The following ZNF483 variants were observed in gnomAD, a reference collection of about 807,000 sequenced individuals.
ZNF483 encodes the protein zinc finger protein 483.
Under a neutral mutation model 28.6 loss-of-function variants are expected in ZNF483, and 9 were observed. The ratio of observed to expected loss-of-function variants is 0.32; its 90% CI spans 0.19 to 0.55. ZNF483 has a LOEUF of 0.55. ZNF483 is among the 20% of genes least tolerant of loss of function. The probability of loss-of-function intolerance (pLI) is 0.93; values close to 1 mark genes in which losing one functional copy is unlikely to be tolerated. For missense variants in ZNF483, 675 were observed against 871.7 expected (o/e 0.77, Z 2.84); for synonymous variants, 322 against 306.2 (o/e 1.05, Z -0.54).
At position 111,530,960 on chromosome 9, in the gene ZNF483, C is replaced by A; in HGVS notation, c.498C>A (p.Ser166=). 1 of 1,488,948 alleles carries A rather than the reference C, an allele frequency of 6.7e-7. No individual in the cohort carries two copies. The allele number at this position is 1,488,948 out of a possible 1,614,324, so 92.2% of individuals were successfully genotyped here. A position where few individuals can be genotyped will look rare whatever the true frequency, so the allele number is the denominator to read the frequency against. The stretch of plus-strand genomic sequence containing the variant: ...TCACTGTTTGTCCCAATACTGAGTC[C>A]TGTGTAAGTTTCCTTTGATGGTTTT... The part of the protein sequence containing the change: ...KMVTVCPNTE[S]CESITLKDVA... The change falls in exon 3 of 6, where the codon TCC becomes TCA. Residue 166 remains serine (S), a synonymous_variant. Coordinates refer to ENST00000309235, the MANE Select transcript of ZNF483 (RefSeq NM_133464.5).
Position 111,552,943 on chromosome 9 carries a change from A to G in ZNF483, c.*9773A>G, listed in dbSNP as rs1828012453. Among the ~76,000 whole-genome samples, 1 of 152,150 alleles carries G rather than the reference A, an allele frequency of 6.6e-6. No homozygotes were observed. Among genetic ancestry groups the G allele is most frequent in the African/African-American group, 2.4e-5 (1 of 41,432 alleles). ...ATTTTCTAAATACGATAAAGTGATA[A>G]TTTCTTCATCTCTCCATCTAAGGTT... On this transcript the variant is annotated 3_prime_UTR_variant, in exon 6 of 6. Coordinates refer to ENST00000309235, the MANE Select transcript of ZNF483 (RefSeq NM_133464.5).
chr9:111,568,793 A>T (rs1828686298), intron 5 of ZNF483, among the ~76,000 whole-genome samples: 2 of 152,198 alleles, frequency 1.3e-5, no homozygotes, highest in Non-Finnish European at 2.9e-5. Context: ...AATAGAAAGA[A>T]CCTATGTTGA....
chr9:111,563,411 G>A (rs1828400732), intron 5 of ZNF483: 2 of 523,304 alleles, frequency 3.8e-6, no homozygotes, highest in African/African-American at 1.9e-5. Context: ...CACAGTACAT[G>A]TAAAAAAGAT....
chr9:111,539,679 C>T, intron 5 of ZNF483: 1 of 217,958 alleles, frequency 4.6e-6, no homozygotes, highest in Non-Finnish European at 9.4e-6. Flanking sequence ...AGGAGAATCG[C>T]TTGAACCTGG....
At chr9:111,541,410 A>G (rs909812281) in intron 5 of ZNF483, among the ~76,000 whole-genome samples, 2 of 152,150 alleles carry the variant, frequency 1.3e-5, no homozygotes, top group African/African-American at 4.8e-5. Flanking sequence ...AAAAAATTCA[A>G]AATGAGGGTG....
At chr9:111,541,585 C>G (rs771915690) in intron 5 of ZNF483, 72 bp from the exon 6 acceptor site, 62 of 1,261,290 alleles carry the variant, frequency 4.9e-5, no homozygotes, top group Non-Finnish European at 6.5e-5. Flanking sequence ...TAATGTGTTC[C>G]TATTTCAGAC....
intron 5 of ZNF483, among the ~76,000 whole-genome samples, chr9:111,566,701 T>A (rs1828576306): frequency 6.6e-6 from 1 of 152,186 alleles, no homozygotes; most frequent in African/African-American, 2.4e-5. Flanking sequence ...ATTTATTCAG[T>A]GCCTACATTG....
chr9:111,570,207 G>C, intron 5 of ZNF483: 1 of 1,612,848 alleles, frequency 6.2e-7, no homozygotes, highest in Non-Finnish European at 8.5e-7. Context: ...TCTGGGGGTG[G>C]GCCTGTGAAG....
intron 5 of ZNF483, among the ~76,000 whole-genome samples, chr9:111,568,067 G>A (rs55733602): frequency 0.2 from 30,587 of 152,022 alleles, 3,964 homozygotes; most frequent in East Asian, 0.39. Flanking sequence ...TATGAAATCA[G>A]TGCATCTTGA....
At position 111,547,419 on chromosome 9, in the gene ZNF483, G is replaced by T. The variant is rs1469447054; in HGVS notation, c.*4249G>T. On this transcript the variant is annotated 3_prime_UTR_variant, in exon 6 of 6. Coordinates refer to ENST00000309235, the MANE Select transcript of ZNF483 (RefSeq NM_133464.5). ...AGTGATGTTAACTGTCTTTTTATGT[G>T]CTTATTGACCATTTGTATCTCTTCT... Among the ~76,000 whole-genome samples, 1 of 151,976 alleles carries T rather than the reference G, an allele frequency of 6.6e-6. No homozygotes were observed. The highest frequency in any genetic ancestry group is 1.5e-5 in the Non-Finnish European group (1 of 67,966).
chr9:111,544,256 T>C lies in ZNF483; in HGVS notation c.*1086T>C. On this transcript the variant is annotated 3_prime_UTR_variant, in exon 6 of 6. Transcript: ENST00000309235. ...AATTCTACTTTAAAACAATTTTGCCTGTAGCAAGTACATTTTTTTGCAATT... is the reference window on the plus strand; with the variant it reads ...AATTCTACTTTAAAACAATTTTGCCCGTAGCAAGTACATTTTTTTGCAATT... The C allele has an allele frequency of 2.0e-6, 2 of 985,472 alleles. No individual in the cohort carries two copies. Among genetic ancestry groups the C allele is most frequent in the Non-Finnish European group, 2.4e-6 (2 of 829,946 alleles). The allele number at this position is 985,472 out of a possible 1,614,324, so 61.0% of individuals were successfully genotyped here. A position where few individuals can be genotyped will look rare whatever the true frequency, so the allele number is the denominator to read the frequency against.
chr9:111,574,704 C>T, intron 5 of ZNF483: 1 of 1,512,842 alleles, frequency 6.6e-7, no homozygotes, highest in African/African-American at 1.4e-5. Flanking sequence ...AGCCTTGTGA[C>T]ATATGGGATC....
chr9:111,539,446 G>A (rs1377237972), intron 5 of ZNF483: 1 of 455,708 alleles, frequency 2.2e-6, no homozygotes, highest in Non-Finnish European at 4.4e-6. Flanking sequence ...TGTTTTTTAG[G>A]AAGTGTGATT....
chr9:111,533,943 T>C, intron 4 of ZNF483, 78 bp downstream of exon 4: 1 of 1,539,172 alleles, frequency 6.5e-7, no homozygotes, highest in Admixed American at 2.3e-5. Flanking sequence ...AGGTAAGTGC[T>C]GTGTGAAGTA....
At chr9:111,538,604 GT>G (rs1564595515) in intron 5 of ZNF483, among the ~76,000 whole-genome samples, 2 of 152,054 alleles carry the variant, frequency 1.3e-5, no homozygotes, top group Non-Finnish European at 2.9e-5. Context: ...TCATATTTAA[GT>G]AGCATTTTGG....
chr9:111,574,614 A>G (rs55902909), intron 5 of ZNF483: 30,846 of 702,766 alleles, frequency 0.044, 1,425 homozygotes, highest in African/African-American at 0.14. Flanking sequence ...TAAAAAAAAA[A>G]AAAAAAGAAT....
chr9:111,560,974 T>TATATAGAGAGAG (rs1564607823), intron 5 of ZNF483, among the ~76,000 whole-genome samples: 1 of 9,344 alleles, frequency 1.1e-4, no homozygotes, highest in Non-Finnish European at 1.9e-4. Context: ...TATATATATA[T>TATATAGAGAGAG]AGAGAGAGAG....
Position 111,547,630 on chromosome 9 carries a change from A to G in ZNF483, c.*4460A>G, listed in dbSNP as rs1035886579. Among the ~76,000 whole-genome samples the G allele has an allele frequency of 2.0e-5, 3 of 152,112 alleles. No individual in the cohort carries two copies. Among genetic ancestry groups the G allele is most frequent in the African/African-American group, 7.2e-5 (3 of 41,436 alleles). The stretch of plus-strand genomic sequence containing the variant: ...CATTCTATTCCTAATGCCCTTTGAA[A>G]GAAGGTTTTAATTTTGGTGAAGTTT... On this transcript the variant is annotated 3_prime_UTR_variant, in exon 6 of 6. Coordinates refer to ENST00000309235, the MANE Select transcript of ZNF483 (RefSeq NM_133464.5).
rs1279999933 is a variant in ZNF483, at chr9:111,555,381, C to T, written c.*12211C>T. Among the ~76,000 whole-genome samples the T allele has an allele frequency of 6.6e-6, 1 of 152,154 alleles. No homozygotes were observed. Among genetic ancestry groups the T allele is most frequent in the Admixed American group, 6.5e-5 (1 of 15,278 alleles). ...ACTTCCAGAAAACCTGATGCCTCCA[C>T]CTCCTAAATCTTTCCATATTTCATT... On this transcript the variant is annotated 3_prime_UTR_variant, in exon 6 of 6. Transcript: ENST00000309235.
Sources: allele counts gnomAD v4.1 joint callset (sites outside exome capture counted in the v4.1 genomes callset), GRCh38; gene constraint gnomAD v4.1.1; transcripts MANE v1.5; gene names NCBI Gene and HGNC (gene_info 2026-07-23, HGNC 2026-07-21).